NCALD: variants seen among roughly 807,000 people sequenced by gnomAD.
The protein encoded by NCALD is neurocalcin-delta.
NCALD carries 10 observed loss-of-function variants against 18.6 expected under a neutral mutation model. The observed-to-expected ratio is 0.54, with a 90% confidence interval of 0.33 to 0.91. The LOEUF (loss-of-function observed/expected upper bound fraction) is 0.91. Ranked by LOEUF, NCALD falls within the 40% of genes least tolerant of loss-of-function variation. NCALD has a pLI of 0.03. For missense variants in NCALD, 184 were observed against 247.6 expected, an observed-to-expected ratio of 0.74 and a Z score of 1.72; for synonymous variants, 88 against 87.4, an observed-to-expected ratio of 1.01 and a Z score of -0.04.
At chr8:101,780,069 T>C (rs1010170674) in intron 1 of NCALD, 2 of 152,168 alleles carry the variant, frequency 1.3e-5, no homozygotes, top group African/African-American at 4.8e-5. Flanking sequence ...TTAAGAATGA[T>C]GTTTCTTTTC....
Position 101,854,464 on chromosome 8 carries a change from C to A in NCALD, c.-20+32677G>T, listed in dbSNP as rs74490162. Reference sequence around the variant, plus strand: ...CTACATTCACTTTCTACTGTCCCTGCACTTTTTCTCTCCTACTTGCTGCCT... The same window carrying A: ...CTACATTCACTTTCTACTGTCCCTGAACTTTTTCTCTCCTACTTGCTGCCT... On this transcript the variant is annotated intron_variant, in intron 4 of 6. Coordinates refer to the NCALD transcript ENST00000311028. Among the ~76,000 whole-genome samples, 970 of 152,246 alleles carry A rather than the reference C, an allele frequency of 6.4e-3. 18 individuals carry two copies. Among genetic ancestry groups the A allele is most frequent in the East Asian group, 0.044 (229 of 5,170 alleles).
At chr8:101,754,260 T>C (rs1250473595) in intron 1 of NCALD, among the ~76,000 whole-genome samples, 3 of 152,218 alleles carry the variant, frequency 2.0e-5, no homozygotes, top group Non-Finnish European at 4.4e-5. Flanking sequence ...TTGGAAACTG[T>C]TGGATGTTTC....
At chr8:101,993,460 A>G (rs1821126400) in intron 2 of NCALD, among the ~76,000 whole-genome samples, 1 of 152,198 alleles carries the variant, frequency 6.6e-6, no homozygotes, top group Non-Finnish European at 1.5e-5. Flanking sequence ...TCCACTGCCC[A>G]CAGTAGGACC....
At chr8:101,927,156 C>A (rs557251055) in intron 2 of NCALD, among the ~76,000 whole-genome samples, 9 of 152,282 alleles carry the variant, frequency 5.9e-5, no homozygotes, top group African/African-American at 1.9e-4. Context: ...CATCACCCAC[C>A]CTCACACCTC....
At chr8:102,101,793 T>A (rs1180625399) in intron 1 of NCALD, among the ~76,000 whole-genome samples, 1 of 152,200 alleles carries the variant, frequency 6.6e-6, no homozygotes, top group South Asian at 2.1e-4. Context: ...ACAGCATTTA[T>A]CCAAATTACA....
At chr8:101,770,820 G>A (rs971276178) in intron 1 of NCALD, among the ~76,000 whole-genome samples, 61 of 152,170 alleles carry the variant, frequency 4.0e-4, no homozygotes, top group African/African-American at 1.4e-3. Flanking sequence ...ATCTTTATGC[G>A]GGTTGAAGAC....
chr8:101,829,841 TTCTC>T (rs1814095016), intron 4 of NCALD, among the ~76,000 whole-genome samples: 2 of 152,172 alleles, frequency 1.3e-5, no homozygotes, highest in South Asian at 4.1e-4. Flanking sequence ...CAGCAATATT[TTCTC>T]TCTCTATTCC....
intron 2 of NCALD, among the ~76,000 whole-genome samples, chr8:101,714,857 C>T (rs1193602293): frequency 1.3e-5 from 2 of 150,764 alleles, no homozygotes; most frequent in South Asian, 2.1e-4. Context: ...ATTAGCCGGG[C>T]GCGGTGGCGG....
chr8:101,933,875 A>G (rs1484086533), intron 2 of NCALD, among the ~76,000 whole-genome samples: 1 of 152,216 alleles, frequency 6.6e-6, no homozygotes, highest in Non-Finnish European at 1.5e-5. Context: ...AATCATTAGC[A>G]CGTAAGTGAT....
At chr8:101,892,734 G>A (rs983788986) in intron 3 of NCALD, among the ~76,000 whole-genome samples, 9 of 150,560 alleles carry the variant, frequency 6.0e-5, no homozygotes, top group African/African-American at 2.0e-4. Context: ...CTCAGGAGCT[G>A]ATGCGATCAA....
chr8:101,809,233 A>T (rs1181035240), intron 4 of NCALD, among the ~76,000 whole-genome samples: 1 of 152,222 alleles, frequency 6.6e-6, no homozygotes, highest in East Asian at 1.9e-4. Context: ...TGGAAGAGTC[A>T]TATGGATTGA....
intron 3 of NCALD, chr8:101,690,307 A>G: frequency 2.0e-6 from 2 of 984,924 alleles, no homozygotes; most frequent in Non-Finnish European, 2.4e-6. Flanking sequence ...GTGAAGTGAC[A>G]TGCTCGATTG....
intron 1 of NCALD, among the ~76,000 whole-genome samples, chr8:101,775,033 T>C (rs1811735771): frequency 6.6e-6 from 1 of 152,192 alleles, no homozygotes; most frequent in South Asian, 2.1e-4. Context: ...TCCTCACAAA[T>C]AGGAAACTTG....
chr8:102,039,454 A>G (rs1193737682), intron 1 of NCALD, among the ~76,000 whole-genome samples: 3 of 152,194 alleles, frequency 2.0e-5, no homozygotes, highest in African/African-American at 7.2e-5. Flanking sequence ...GAGAGCAATC[A>G]CTGACATTTG....
At chr8:101,717,605 T>G (rs1563689820) in intron 2 of NCALD, among the ~76,000 whole-genome samples, 1 of 152,178 alleles carries the variant, frequency 6.6e-6, no homozygotes, top group South Asian at 2.1e-4. Context: ...AAGAGATATT[T>G]AGAAAGGCAC....
intron 1 of NCALD, among the ~76,000 whole-genome samples, chr8:101,752,651 G>A (rs1373875694): frequency 6.6e-6 from 1 of 152,206 alleles, no homozygotes; most frequent in Admixed American, 6.5e-5. Flanking sequence ...ACCAAGTAAA[G>A]TGTTTGGACT....
At chr8:101,978,010 C>T (rs1018570869) in intron 2 of NCALD, among the ~76,000 whole-genome samples, 2 of 151,952 alleles carry the variant, frequency 1.3e-5, no homozygotes, top group Non-Finnish European at 2.9e-5. Context: ...TCAGTGCCCC[C>T]TCCCCAACAA....
At chr8:101,868,324 C>A (rs1815861523) in intron 4 of NCALD, among the ~76,000 whole-genome samples, 1 of 152,168 alleles carries the variant, frequency 6.6e-6, no homozygotes, top group South Asian at 2.1e-4. Context: ...CCCTGACAGC[C>A]TTCCAGGTAC....
chr8:102,018,850 C>T (rs183215287), intron 2 of NCALD, among the ~76,000 whole-genome samples: 6 of 152,088 alleles, frequency 3.9e-5, no homozygotes, highest in Admixed American at 3.9e-4. Context: ...TACTTCACAC[C>T]ATGTACAATG....
Sources: gnomAD v4.1 joint callset for allele counts (sites outside exome capture counted in the v4.1 genomes callset) on GRCh38, gnomAD v4.1.1 for gene constraint, MANE v1.5 for transcripts, NCBI Gene and HGNC (gene_info 2026-07-23, HGNC 2026-07-21) for gene names.